RAPGEF4: variants seen among roughly 807,000 people sequenced by gnomAD.
The protein encoded by RAPGEF4 is Rap guanine nucleotide exchange factor 4.
In RAPGEF4, 66 loss-of-function variants were observed where a neutral mutation model predicts 147.9. That is an observed-to-expected ratio of 0.45 (90% CI 0.37 to 0.55). RAPGEF4 has a LOEUF of 0.55. RAPGEF4 is among the 20% of genes least tolerant of loss of function. The probability of loss-of-function intolerance (pLI) is 0.00; values close to 1 mark genes in which losing one functional copy is unlikely to be tolerated. For synonymous variants in RAPGEF4, 419 were observed against 442.7 expected (o/e 0.95, Z 0.67); for missense variants, 1,071 against 1,257.3 (o/e 0.85, Z 2.24).
At chr2:172,845,389 G>GC (rs1370255596) in intron 4 of RAPGEF4, among the ~76,000 whole-genome samples, 1 of 152,158 alleles carries the variant, frequency 6.6e-6, no homozygotes, top group African/African-American at 2.4e-5. Context: ...TTTGAATGAT[G>GC]CCAGCCAGTT....
At chr2:173,011,533 A>T (rs1184320763) in intron 17 of RAPGEF4, among the ~76,000 whole-genome samples, 1 of 152,144 alleles carries the variant, frequency 6.6e-6, no homozygotes, top group African/African-American at 2.4e-5. Context: ...CATAACAAGT[A>T]GGAAAGAATC....
At chr2:172,902,184 G>C (rs1325196522) in intron 4 of RAPGEF4, among the ~76,000 whole-genome samples, 1 of 152,160 alleles carries the variant, frequency 6.6e-6, no homozygotes, top group African/African-American at 2.4e-5. Flanking sequence ...GCGAGTGGGG[G>C]CTGAGGCTGG....
chr2:172,858,133 C>A (rs1693650558), intron 4 of RAPGEF4, among the ~76,000 whole-genome samples: 1 of 152,094 alleles, frequency 6.6e-6, no homozygotes, highest in African/African-American at 2.4e-5. Flanking sequence ...CTTTCAAAGC[C>A]TAACAACAAG....
At chr2:173,008,748 C>T (rs1694734935) in intron 17 of RAPGEF4, among the ~76,000 whole-genome samples, 2 of 151,934 alleles carry the variant, frequency 1.3e-5, no homozygotes, top group African/African-American at 4.8e-5. Flanking sequence ...TACATGGAAC[C>T]ATTATTAGCT....
intron 4 of RAPGEF4, among the ~76,000 whole-genome samples, chr2:172,818,857 C>T (rs1168987508): frequency 3.3e-5 from 5 of 152,102 alleles, no homozygotes; most frequent in Non-Finnish European, 5.9e-5. Flanking sequence ...CTCAGGTATG[C>T]CCTCAGAGAA....
chr2:172,919,700 G>C (rs1684410112), intron 5 of RAPGEF4, among the ~76,000 whole-genome samples: 1 of 152,112 alleles, frequency 6.6e-6, no homozygotes. Flanking sequence ...GGTGACCTCA[G>C]GTTCTTTTTC....
chr2:172,814,065 G>C (rs72908146), intron 3 of RAPGEF4, among the ~76,000 whole-genome samples: 17,553 of 152,166 alleles, frequency 0.12, 1,063 homozygotes, highest in South Asian at 0.18. Flanking sequence ...GTCTTGCCTG[G>C]AAAGGGGCAC....
intron 6 of RAPGEF4, among the ~76,000 whole-genome samples, chr2:172,925,777 A>AAGAAAGAGAGAGAGAGAGAGAGAGAG (rs1553531721): frequency 6.7e-5 from 9 of 133,892 alleles, no homozygotes; most frequent in Non-Finnish European, 1.2e-4. Flanking sequence ...GAAAGAAAGA[A>AAGAAAGAGAGAGAGAGAGAGAGAGAG]AGAGAGAGAG....
At chr2:172,811,534 G>T (rs181709179) in intron 3 of RAPGEF4, among the ~76,000 whole-genome samples, 1 of 152,296 alleles carries the variant, frequency 6.6e-6, no homozygotes, top group Non-Finnish European at 1.5e-5. Context: ...TAATAAAAGT[G>T]CTCTTTTGAA....
chr2:172,814,911 C>T (rs2149605675), intron 4 of RAPGEF4, among the ~76,000 whole-genome samples: 1 of 152,276 alleles, frequency 6.6e-6, no homozygotes, highest in South Asian at 2.1e-4. Context: ...TGGTTACTTG[C>T]CAACTTCAAA....
chr2:172,934,957 A>T (rs1363141356), intron 6 of RAPGEF4, among the ~76,000 whole-genome samples: 1 of 152,122 alleles, frequency 6.6e-6, no homozygotes, highest in Non-Finnish European at 1.5e-5. Context: ...TGGGAGGATC[A>T]CTTGAGCCTA....
At chr2:172,868,765 C>T (rs754032164) in intron 4 of RAPGEF4, among the ~76,000 whole-genome samples, 3 of 152,180 alleles carry the variant, frequency 2.0e-5, no homozygotes, top group Admixed American at 6.5e-5. Flanking sequence ...GAAAGAATAC[C>T]TCAGACTGGG....
rs763343279 is a variant in RAPGEF4 at position 172,965,587 on chromosome 2, G to A, written c.724G>A (p.Val242Met). 6.2e-7 allele frequency: 1 copy of A among 1,613,742 alleles called. No individual in the cohort carries two copies. The highest frequency in any genetic ancestry group is 8.5e-7 in the Non-Finnish European group (1 of 1,179,690). ...YRQCCVGTELVDWMMQQTPCV... is the reference protein window; with the variant it reads ...YRQCCVGTELMDWMMQQTPCV... The stretch of plus-strand genomic sequence containing the variant: ...ACAATGCTGTGTGGGAACTGAACTG[G>A]TGGACTGGATGATGCAGCAGACACC... Residue 242 changes from valine (V) to methionine (M), a missense_variant, in exon 9 of 31, where the codon GTG (valine) becomes ATG (methionine). Transcript: ENST00000397081.
chr2:172,856,045 T>G (rs1693383309), intron 4 of RAPGEF4, among the ~76,000 whole-genome samples: 1 of 152,156 alleles, frequency 6.6e-6, no homozygotes, highest in Non-Finnish European at 1.5e-5. Flanking sequence ...TATTATTTCT[T>G]TAAATATTTT....
At chr2:172,886,466 G>A (rs1334950555) in intron 4 of RAPGEF4, among the ~76,000 whole-genome samples, 5 of 152,162 alleles carry the variant, frequency 3.3e-5, no homozygotes, top group African/African-American at 1.2e-4. Context: ...CCAGCACTCG[G>A]CATAGTCCCT....
chr2:172,884,461 G>C (rs1270053025), intron 4 of RAPGEF4, among the ~76,000 whole-genome samples: 1 of 152,172 alleles, frequency 6.6e-6, no homozygotes, highest in East Asian at 1.9e-4. Flanking sequence ...ATTCAGTTTT[G>C]CTTGAAGAAA....
chr2:172,989,867 G>A (rs1489178789), intron 14 of RAPGEF4, among the ~76,000 whole-genome samples: 3 of 151,964 alleles, frequency 2.0e-5, no homozygotes, highest in Non-Finnish European at 4.4e-5. Context: ...TTTGTGCTTT[G>A]GGGTATATTC....
At chr2:173,009,147 T>A (rs115359999) in intron 17 of RAPGEF4, among the ~76,000 whole-genome samples, 437 of 152,316 alleles carry the variant, frequency 2.9e-3, no homozygotes, top group Non-Finnish European at 4.6e-3. Flanking sequence ...GTACCAGATG[T>A]TTTACAATTA....
At chr2:172,746,382 C>G (rs1007660397) in intron 1 of RAPGEF4, among the ~76,000 whole-genome samples, 6 of 152,112 alleles carry the variant, frequency 3.9e-5, no homozygotes, top group African/African-American at 1.2e-4. Context: ...ATATTGGTGC[C>G]ACTCTAACAA....
Sources: gnomAD v4.1 joint callset for allele counts (sites outside exome capture counted in the v4.1 genomes callset) on GRCh38, gnomAD v4.1.1 for gene constraint, MANE v1.5 for transcripts, NCBI Gene and HGNC (gene_info 2026-07-23, HGNC 2026-07-21) for gene names.